Variants in HELZ observed in about 807,000 individuals in gnomAD.
HELZ encodes the protein helicase with zinc finger, also known as ATP-dependent RNA helicase with zinc finger domain.
Under a neutral mutation model 218.2 loss-of-function variants are expected in HELZ, and 23 were observed. The observed-to-expected ratio is 0.11, with a 90% confidence interval of 0.08 to 0.15. HELZ has a LOEUF of 0.15. Among genes scored for constraint, HELZ ranks in the 10% least tolerant of loss-of-function variants. The pLI is 1.00. For synonymous variants in HELZ, 814 were observed against 829.4 expected (o/e 0.98, Z 0.32); for missense variants, 1,813 against 2,353.7 (o/e 0.77, Z 4.75).
intron 3 of HELZ, among the ~76,000 whole-genome samples, chr17:67,236,789 A>G (rs983813273): frequency 1.3e-5 from 2 of 152,206 alleles, no homozygotes; most frequent in African/African-American, 4.8e-5. Context: ...TCAACATTAA[A>G]TAATAAAGTT....
At chr17:67,244,757 C>T in intron 1 of HELZ, 2 of 984,786 alleles carry the variant, frequency 2.0e-6, no homozygotes, top group Non-Finnish European at 2.4e-6. Flanking sequence ...CGCACGCTCC[C>T]CACCCCCAGC....
chr17:67,168,813 C>T (rs895794740), intron 13 of HELZ, among the ~76,000 whole-genome samples: 1 of 152,064 alleles, frequency 6.6e-6, no homozygotes, highest in Non-Finnish European at 1.5e-5. Context: ...AATATGGAGC[C>T]GGACATGGTG....
Position 67,188,471 on chromosome 17 carries a change from A to G in HELZ, c.1010T>C (p.Met337Thr), listed in dbSNP as rs1370594536. The change falls in exon 12 of 33, where the codon ATG becomes ACG. Residue 337 changes from methionine (M) to threonine (T), a missense_variant. Transcript: ENST00000358691. The surrounding 1 kb of genome is among the most constrained non-coding windows in gnomAD (Gnocchi z 4.1). Reference sequence around the variant, plus strand: ...GTAATGATCTAATCCATTTTGGGCCATCTTTCCTCCTATCCATTCTTGACA... The same window carrying G: ...GTAATGATCTAATCCATTTTGGGCCGTCTTTCCTCCTATCCATTCTTGACA... ...ENCQEWIGGKMAQNGLDHYVY... is the reference protein window; with the variant it reads ...ENCQEWIGGKTAQNGLDHYVY... The G allele has an allele frequency of 1.2e-6, 2 of 1,613,982 alleles. No homozygotes were observed. The highest frequency in any genetic ancestry group is 1.7e-6 in the Non-Finnish European group (2 of 1,179,884).
At chr17:67,190,523 C>T (rs2039864349) in intron 9 of HELZ, among the ~76,000 whole-genome samples, 168 bp from the exon 10 acceptor site, 1 of 152,170 alleles carries the variant, frequency 6.6e-6, no homozygotes, top group Admixed American at 6.5e-5. Flanking sequence ...GTTTAGAGAA[C>T]ATTTACAACA....
chr17:67,083,955 A>C (rs991143070), intron 32 of HELZ, among the ~76,000 whole-genome samples: 1 of 152,222 alleles, frequency 6.6e-6, no homozygotes, highest in African/African-American at 2.4e-5. Flanking sequence ...TTTAATTGTA[A>C]ACTGATATCC....
chr17:67,121,930 A>G (rs973947508), intron 26 of HELZ, among the ~76,000 whole-genome samples: 3 of 152,240 alleles, frequency 2.0e-5, no homozygotes, highest in Admixed American at 2.0e-4. Context: ...ACAAAAATAA[A>G]AAGATAAAAT....
chr17:67,102,220 T>C lies in HELZ; in HGVS notation c.5241+4949A>G, dbSNP rs147244379. ...GTGGTGATATAGGTGGGCATAGCAA[T>C]TGGGGGAAGGGCAGAGAGAAATTGT... On this transcript the variant is annotated intron_variant, in intron 31 of 32. Transcript: ENST00000358691. Among the ~76,000 whole-genome samples, 195 of 152,226 alleles carry C rather than the reference T, an allele frequency of 1.3e-3. 1 individual carries two copies. Among genetic ancestry groups the C allele is most frequent in the Admixed American group, 1.8e-3 (27 of 15,298 alleles).
rs1021859599 is a variant in HELZ, at chr17:67,101,318, T to C, written c.5241+5851A>G. Among the ~76,000 whole-genome samples the C allele has an allele frequency of 6.6e-5, 10 of 152,180 alleles. No individual in the cohort carries two copies. In the South Asian group the frequency reaches 1.0e-3, roughly 16 times the overall value. ...GAGTTCATAAAGTTATTTTAAATTT[T>C]TTTTTAGTAGTAAAACCACAGAATG... is the stretch of plus-strand genomic sequence containing the variant. On this transcript the variant is annotated intron_variant, in intron 31 of 32. Transcript: ENST00000358691.
chr17:67,241,402 C>A (rs1222592198), intron 2 of HELZ, among the ~76,000 whole-genome samples: 2 of 152,186 alleles, frequency 1.3e-5, no homozygotes, highest in Admixed American at 1.3e-4. Flanking sequence ...ATAGACTAAT[C>A]TACATTCAAT....
intron 5 of HELZ, among the ~76,000 whole-genome samples, chr17:67,214,160 A>G (rs748435924): frequency 6.6e-6 from 1 of 151,848 alleles, no homozygotes; most frequent in Non-Finnish European, 1.5e-5. Context: ...ATTCTACTAG[A>G]TATCTCTTAA....
rs367996525 is a variant in HELZ, at chr17:67,190,236, T to C, written c.677A>G (p.Asn226Ser). The C allele has an allele frequency of 1.9e-6, 3 of 1,614,024 alleles. No individual in the cohort carries two copies. Among genetic ancestry groups the C allele is most frequent in the African/African-American group, 2.7e-5 (2 of 75,058 alleles). The change falls in exon 10 of 33, where the codon AAT (asparagine) becomes AGT (serine). Residue 226 changes from asparagine to serine, a missense_variant. Transcript: ENST00000358691. ...ACTGCCTGAGAGCTGTTTATTCTCA[T>C]TTTGCTGTTTCAATTTTATCAGCCG... ...ASRLIKLKQQ[N>S]ENKQLSGSYM...
At chr17:67,192,041 T>C (rs1003299511) in intron 9 of HELZ, among the ~76,000 whole-genome samples, 7 of 151,566 alleles carry the variant, frequency 4.6e-5, no homozygotes, top group South Asian at 4.2e-4. Flanking sequence ...CTGTCTCTAC[T>C]AAAAATAGAA....
At chr17:67,220,738 C>T (rs555654407) in intron 3 of HELZ, among the ~76,000 whole-genome samples, 21 of 152,002 alleles carry the variant, frequency 1.4e-4, no homozygotes, top group Non-Finnish European at 2.2e-4. Context: ...GCTGTCCTCC[C>T]GCTTCAGCCA....
intron 5 of HELZ, among the ~76,000 whole-genome samples, chr17:67,209,852 T>C (rs940646328): frequency 9.9e-5 from 15 of 152,198 alleles, no homozygotes; most frequent in African/African-American, 3.6e-4. Context: ...TTTAAATAAA[T>C]ACTGTTAACT....
chr17:67,224,600 T>G (rs946859387), intron 3 of HELZ: 15 of 485,520 alleles, frequency 3.1e-5, no homozygotes, highest in Non-Finnish European at 5.7e-5. Context: ...TATTTATTAC[T>G]AATAACAGTA....
intron 27 of HELZ, among the ~76,000 whole-genome samples, chr17:67,116,983 A>C (rs2037447387): frequency 6.6e-6 from 1 of 152,026 alleles, no homozygotes; most frequent in Non-Finnish European, 1.5e-5. Context: ...CAGCCTCCCG[A>C]GTAGCTGGGA....
At chr17:67,240,642 A>T (rs559348504) in intron 2 of HELZ, among the ~76,000 whole-genome samples, 1 of 152,338 alleles carries the variant, frequency 6.6e-6, no homozygotes, top group African/African-American at 2.4e-5. Flanking sequence ...AATGACAAAA[A>T]TCACAAACAT....
chr17:67,189,388 G>T (rs2039836676), intron 11 of HELZ, among the ~76,000 whole-genome samples: 1 of 151,966 alleles, frequency 6.6e-6, no homozygotes, highest in Admixed American at 6.6e-5. Context: ...TATCTACAAA[G>T]ATCTCATCTA....
chr17:67,195,171 C>T (rs1235577158), intron 8 of HELZ, among the ~76,000 whole-genome samples: 2 of 152,192 alleles, frequency 1.3e-5, no homozygotes, highest in Non-Finnish European at 2.9e-5. Flanking sequence ...TAGTCCTACA[C>T]GGAGGCAAGA....
Sources: gnomAD v4.1 joint callset for allele counts (sites outside exome capture counted in the v4.1 genomes callset) on GRCh38, gnomAD v4.1.1 for gene constraint, Gnocchi (gnomAD v3.1) non-coding constraint, MANE v1.5 for transcripts, NCBI Gene and HGNC (gene_info 2026-07-23, HGNC 2026-07-21) for gene names.